Variants in CCN4 observed in about 807,000 individuals in gnomAD.
CCN4 encodes CCN family member 4.
CCN4 carries 30 observed loss-of-function variants against 36.7 expected under a neutral mutation model. That is an observed-to-expected ratio of 0.82 (90% CI 0.61 to 1.11). CCN4 has a LOEUF of 1.11. Ranked by LOEUF, CCN4 falls within the 50% of genes least tolerant of loss-of-function variation. The probability of loss-of-function intolerance (pLI) is 0.00; values close to 1 mark genes in which losing one functional copy is unlikely to be tolerated. For missense variants in CCN4, 505 were observed against 504.9 expected (o/e 1.00, Z 0.00); for synonymous variants, 191 against 195.4 (o/e 0.98, Z 0.19).
intron 1 of CCN4, among the ~76,000 whole-genome samples, chr8:133,207,868 C>T (rs1005742745): frequency 3.3e-5 from 5 of 152,134 alleles, no homozygotes; most frequent in African/African-American, 1.2e-4. Flanking sequence ...TCAACAGATG[C>T]TTATTGACAC....
chr8:133,220,577 G>A lies in CCN4; in HGVS notation c.350-4G>A. On this transcript the variant is annotated splice_region_variant and splice_polypyrimidine_tract_variant and intron_variant, in intron 2 of 4. Coordinates refer to ENST00000250160, the MANE Select transcript of CCN4 (RefSeq NM_003882.4). ...TGGGCCTGACCGGCCACCTGTGTTT[G>A]CAGAGGTGGTCGGTGTGGGCTGCGT... 5.0e-6 allele frequency: 8 copies of A among 1,610,662 alleles called. No homozygotes were observed. The highest frequency in any genetic ancestry group is 6.8e-6 in the Non-Finnish European group (8 of 1,177,152).
At chr8:133,191,871 G>T (rs188808743) in intron 1 of CCN4, among the ~76,000 whole-genome samples, 1 of 152,154 alleles carries the variant, frequency 6.6e-6, no homozygotes, top group South Asian at 2.1e-4. Flanking sequence ...CAGGGTGGGG[G>T]TGATGTGGGC....
intron 1 of CCN4, among the ~76,000 whole-genome samples, chr8:133,191,517 G>T (rs909728034): frequency 1.1e-4 from 17 of 152,124 alleles, no homozygotes; most frequent in Admixed American, 1.3e-4. Flanking sequence ...GGAGTCAGGG[G>T]CCCGGGCTCC....
At chr8:133,219,682 A>G (rs1474964515) in intron 2 of CCN4, among the ~76,000 whole-genome samples, 2 of 152,208 alleles carry the variant, frequency 1.3e-5, no homozygotes, top group Non-Finnish European at 2.9e-5. Context: ...ATTCTCGATC[A>G]CTGAAAATGT....
At chr8:133,217,292 A>G (rs6982341) in intron 2 of CCN4, among the ~76,000 whole-genome samples, 90,731 of 152,122 alleles carry the variant, frequency 0.6, 27,188 homozygotes, top group Middle Eastern at 0.67. Flanking sequence ...ACAACAAGGC[A>G]TGGCCCACTG....
intron 3 of CCN4, among the ~76,000 whole-genome samples, chr8:133,223,548 C>T (rs1423867177): frequency 6.6e-6 from 1 of 152,098 alleles, no homozygotes. Flanking sequence ...AGTTAGATTT[C>T]TCTTCTTTTC....
At chr8:133,212,734 G>A (rs1415436143) in intron 1 of CCN4, 130 bp from the exon 2 acceptor site, 4 of 739,592 alleles carry the variant, frequency 5.4e-6, no homozygotes, top group Admixed American at 3.0e-5. Flanking sequence ...GCTATCAAAA[G>A]CGTGATAGAA....
intron 4 of CCN4, among the ~76,000 whole-genome samples, 164 bp downstream of exon 4, chr8:133,225,747 G>C (rs949461106): frequency 5.9e-5 from 9 of 152,206 alleles, no homozygotes; most frequent in Non-Finnish European, 8.8e-5. Flanking sequence ...CAGGTCACCA[G>C]ATTGGTGCAT....
At chr8:133,213,849 C>G (rs1854164750) in intron 2 of CCN4, among the ~76,000 whole-genome samples, 1 of 141,464 alleles carries the variant, frequency 7.1e-6, no homozygotes, top group Non-Finnish European at 1.5e-5. Context: ...TATATATACA[C>G]TATATATAGT....
At chr8:133,222,284 A>G (rs1263481305) in intron 3 of CCN4, among the ~76,000 whole-genome samples, 1 of 152,160 alleles carries the variant, frequency 6.6e-6, no homozygotes, top group Non-Finnish European at 1.5e-5. Context: ...TGTCAATCTA[A>G]TGCATGGGGT....
rs569295008 is a variant in CCN4 at position 133,201,103 on chromosome 8, C to T, written c.69+9890C>T. Among the ~76,000 whole-genome samples the T allele has an allele frequency of 4.8e-4, 73 of 152,268 alleles. 1 individual carries two copies. Among genetic ancestry groups the T allele is most frequent in the African/African-American group, 1.7e-3 (69 of 41,544 alleles). ...TATGCTAAGTTACCTTACAGTGTGG[C>T]CCTTAGGTGTGAAGCCTTAAGAAAC... On this transcript the variant is annotated intron_variant, in intron 1 of 4. Coordinates refer to ENST00000250160, the MANE Select transcript of CCN4 (RefSeq NM_003882.4).
At chr8:133,214,996 T>G (rs1362299546) in intron 2 of CCN4, among the ~76,000 whole-genome samples, 1 of 152,232 alleles carries the variant, frequency 6.6e-6, no homozygotes, top group Non-Finnish European at 1.5e-5. Flanking sequence ...TATCATTGGT[T>G]CATGCTTCAA....
Position 133,213,136 on chromosome 8 carries a change from G to C in CCN4, c.342G>C (p.Val114=). Reference sequence around the variant, plus strand: ...ACCGCCCGAGGTACGCAATAGGAGTGTGTGCACGTAAGTGAGTCCTCCATA... The same window carrying C: ...ACCGCCCGAGGTACGCAATAGGAGTCTGTGCACGTAAGTGAGTCCTCCATA... ...SGDRPRYAIG[V]CAQVVGVGCV... is the part of the protein sequence containing the mutation. Residue 114 remains valine (V), a synonymous_variant, in exon 2 of 5, where the codon GTG becomes GTC. Transcript: ENST00000250160. The C allele has an allele frequency of 6.4e-7, 1 of 1,551,454 alleles. No individual in the cohort carries two copies. Among genetic ancestry groups the C allele is most frequent in the Non-Finnish European group, 8.7e-7 (1 of 1,153,554 alleles).
chr8:133,221,339 C>T (rs957656454), intron 3 of CCN4, among the ~76,000 whole-genome samples: 1 of 152,208 alleles, frequency 6.6e-6, no homozygotes, highest in Non-Finnish European at 1.5e-5. Flanking sequence ...TGTTTCACTG[C>T]TGCTTACTGG....
In CCN4 at chr8:133,228,343, T is replaced by C. The variant is rs1854823749; in HGVS notation, c.*633T>C. 2.0e-5 allele frequency: 3 copies of C among 152,502 alleles called. 1 individual carries two copies. The South Asian group carries it at 6.2e-4, about 32-fold the overall frequency. 9.4% of individuals were successfully genotyped at this position (152,502 alleles called of 1,614,324 possible). On this transcript the variant is annotated 3_prime_UTR_variant, in exon 5 of 5. Coordinates refer to ENST00000250160, the MANE Select transcript of CCN4 (RefSeq NM_003882.4). ...GTTAAGTTTCTCTTCACCCCTACAC[T>C]GTGAAGGGTACAGATTAGGTTTGTC... is the stretch of plus-strand genomic sequence containing the variant.
At chr8:133,199,442 C>T (rs1209326525) in intron 1 of CCN4, among the ~76,000 whole-genome samples, 5 of 152,078 alleles carry the variant, frequency 3.3e-5, no homozygotes, top group African/African-American at 1.2e-4. Flanking sequence ...GATGTAAATG[C>T]CCGTGTCACA....
At chr8:133,200,486 G>A (rs2977525) in intron 1 of CCN4, among the ~76,000 whole-genome samples, 94,620 of 152,106 alleles carry the variant, frequency 0.62, 30,874 homozygotes, top group East Asian at 0.79. Flanking sequence ...GGCCCCCTCC[G>A]TGGTCTCCCC....
Position 133,213,153 on chromosome 8 carries a change from T to TC in CCN4, c.349+12dup, listed in dbSNP as rs55733525. The TC allele has an allele frequency of 1, 1,590,022 of 1,590,026 alleles. 795,009 individuals are homozygous for TC. The highest frequency in any genetic ancestry group is 1 in the Middle Eastern group (5,998 of 5,998). On this transcript the variant is annotated intron_variant, in intron 2 of 4. Transcript: ENST00000250160. ...ATAGGAGTGTGTGCACGTAAGTGAG[T>TC]CCTCCATACCTTCTGACCAGCCCCT...
intron 3 of CCN4, among the ~76,000 whole-genome samples, chr8:133,222,982 C>G (rs1854588930): frequency 6.6e-6 from 1 of 152,002 alleles, no homozygotes. Context: ...AATCTAATCC[C>G]TGGCCTCTAC....
Sources: gnomAD v4.1 joint callset for allele counts (sites outside exome capture counted in the v4.1 genomes callset) on GRCh38, gnomAD v4.1.1 for gene constraint, MANE v1.5 for transcripts, NCBI Gene and HGNC (gene_info 2026-07-23, HGNC 2026-07-21) for gene names.